Variants in CACNG7 observed in about 807,000 individuals in gnomAD.
The protein encoded by CACNG7 is calcium voltage-gated channel auxiliary subunit gamma 7.
CACNG7 carries 9 observed loss-of-function variants against 26.3 expected under a neutral mutation model. The observed-to-expected ratio is 0.34, with a 90% CI of 0.21 to 0.60. CACNG7 has a LOEUF of 0.60. Among genes scored for constraint, CACNG7 ranks in the 20% least tolerant of loss-of-function variants. CACNG7 has a pLI of 0.81. For synonymous variants in CACNG7, 170 were observed against 157.0 expected (o/e 1.08, Z -0.62); for missense variants, 297 against 380.4 (o/e 0.78, Z 1.82).
At chr19:53,935,524 T>A (rs2069098980) in intron 4 of CACNG7, among the ~76,000 whole-genome samples, 1 of 151,234 alleles carries the variant, frequency 6.6e-6, no homozygotes, top group Non-Finnish European at 1.5e-5. Context: ...GGTTTCACCA[T>A]GTGGGTCAGG....
Position 53,915,492 on chromosome 19 carries a change from C to G in CACNG7, c.411C>G (p.Phe137Leu). 6.2e-7 allele frequency: 1 copy of G among 1,614,148 alleles called. No homozygotes were observed. Among genetic ancestry groups the G allele is most frequent in the Non-Finnish European group, 8.5e-7 (1 of 1,180,020 alleles). ...TTCTGGCTTTTGTCTCTGGCATCTTCTTCATACTATCGGGTGAGCCTAAGG... is the reference window on the plus strand; with the variant it reads ...TTCTGGCTTTTGTCTCTGGCATCTTGTTCATACTATCGGGTGAGCCTAAGG... ...RTILAFVSGI[F>L]FILSGLSLVV... is the part of the protein sequence containing the mutation. The change falls in exon 4 of 6, where the codon TTC (phenylalanine) becomes TTG (leucine). Residue 137 changes from phenylalanine to leucine, a missense_variant. Phe to Leu is a conservative substitution (Grantham distance 22, BLOSUM62 0). Coordinates refer to ENST00000391767, the MANE Select transcript of CACNG7 (RefSeq NM_031896.5).
chr19:53,913,651 G>A (rs2068874594), intron 2 of CACNG7, among the ~76,000 whole-genome samples: 1 of 151,704 alleles, frequency 6.6e-6, no homozygotes, highest in South Asian at 2.1e-4. Flanking sequence ...CTGACTGCTG[G>A]CATGCACCTG....
intron 4 of CACNG7, among the ~76,000 whole-genome samples, chr19:53,927,783 A>T (rs1336506894): frequency 2.0e-5 from 3 of 150,886 alleles, no homozygotes; most frequent in Non-Finnish European, 4.4e-5. Context: ...GGTTGCAGTG[A>T]GCCGAGATCG....
chr19:53,922,696 T>C (rs1198193721), intron 4 of CACNG7, among the ~76,000 whole-genome samples: 9 of 56,568 alleles, frequency 1.6e-4, no homozygotes, highest in African/African-American at 4.0e-4. Flanking sequence ...TTGCCCCAGG[T>C]CTGGTCATTG....
chr19:53,921,430 G>C (rs2068950580), intron 4 of CACNG7, among the ~76,000 whole-genome samples: 1 of 151,224 alleles, frequency 6.6e-6, no homozygotes, highest in Non-Finnish European at 1.5e-5. Flanking sequence ...CCCCAGGCTG[G>C]TCATTGGTGG....
chr19:53,937,722 C>T (rs1182654488), intron 4 of CACNG7, among the ~76,000 whole-genome samples: 1 of 151,954 alleles, frequency 6.6e-6, no homozygotes, highest in East Asian at 1.9e-4. Context: ...TCCCGAGTAG[C>T]TGGGGTTACG....
intron 2 of CACNG7, among the ~76,000 whole-genome samples, chr19:53,914,154 G>A (rs1038787393): frequency 6.6e-6 from 1 of 151,770 alleles, no homozygotes; most frequent in Non-Finnish European, 1.5e-5. Context: ...CATGCCTGTA[G>A]TCCCAGCTAC....
chr19:53,927,455 C>T (rs1012848614), intron 4 of CACNG7, among the ~76,000 whole-genome samples: 4 of 151,864 alleles, frequency 2.6e-5, no homozygotes, highest in African/African-American at 7.3e-5. Context: ...AAGTTGATGC[C>T]GAAAGGGTCA....
At chr19:53,922,964 T>TCTGGTCATTGGTGGAGTTGTCCCAGGA (rs2068976115) in intron 4 of CACNG7, among the ~76,000 whole-genome samples, 3 of 80,864 alleles carry the variant, frequency 3.7e-5, no homozygotes, top group Admixed American at 2.1e-4. Flanking sequence ...TTGCCCCAGG[T>TCTGGTCATTGGTGGAGTTGTCCCAGGA]CTGGTCATTG....
intron 4 of CACNG7, among the ~76,000 whole-genome samples, chr19:53,931,771 T>C (rs1330191247): frequency 2.8e-5 from 4 of 145,088 alleles, no homozygotes; most frequent in African/African-American, 1.0e-4. Context: ...TTTTTTTTTT[T>C]TTTTTTTTGA....
At chr19:53,925,264 C>CCCCAGGTCTGGTCATTGGTGGAGTTGT (rs2069017899) in intron 4 of CACNG7, among the ~76,000 whole-genome samples, 3 of 141,746 alleles carry the variant, frequency 2.1e-5, no homozygotes, top group Non-Finnish European at 4.6e-5. Context: ...GGTGGAGTTG[C>CCCCAGGTCTGGTCATTGGTGGAGTTGT]CCCAGGTCTG....
intron 4 of CACNG7, among the ~76,000 whole-genome samples, chr19:53,921,426 G>T (rs2068950477): frequency 7.2e-6 from 1 of 138,224 alleles, no homozygotes; most frequent in Non-Finnish European, 1.5e-5. Flanking sequence ...GTTGCCCCAG[G>T]CTGGTCATTG....
Position 53,942,457 on chromosome 19 carries a change from C to A in CACNG7, c.*164C>A. Reference sequence around the variant, plus strand: ...TCCTCCCAATGGCTCCGCCCACAGACTCCCTTATTTCAATGGCCGCGCCCT... The same window carrying A: ...TCCTCCCAATGGCTCCGCCCACAGAATCCCTTATTTCAATGGCCGCGCCCT... On this transcript the variant is annotated 3_prime_UTR_variant, in exon 6 of 6. Transcript: ENST00000391767. This position sits in a 1 kb window ranked among gnomAD's most constrained non-coding sequence, Gnocchi z 5.9. 1 of 1,471,906 alleles carries A rather than the reference C, an allele frequency of 6.8e-7. No homozygotes were observed. Among genetic ancestry groups the A allele is most frequent in the Non-Finnish European group, 8.9e-7 (1 of 1,118,258 alleles). The allele number at this position is 1,471,906 out of a possible 1,614,324, so 91.2% of individuals were successfully genotyped here.
rs2068940134 is a variant in CACNG7 at position 53,920,775 on chromosome 19, G to GTTGCCCCAGGCTGGTCATTAGTGGAC, written c.424+5289_424+5290insAGTGGACTTGCCCCAGGCTGGTCATT. Among the ~76,000 whole-genome samples, 12 of 71,440 alleles carry GTTGCCCCAGGCTGGTCATTAGTGGAC rather than the reference G, an allele frequency of 1.7e-4. 1 individual carries two copies. Among genetic ancestry groups the GTTGCCCCAGGCTGGTCATTAGTGGAC allele is most frequent in the African/African-American group, 1.3e-3 (11 of 8,460 alleles). 46.9% of individuals were successfully genotyped at this position (71,440 alleles called of 152,430 possible). On this transcript the variant is annotated intron_variant, in intron 4 of 5. Transcript: ENST00000391767. ...TGCCCCAGGTCTGGTCATTGGTGGA[G>GTTGCCCCAGGCTGGTCATTAGTGGAC]TTGCCCCAGGCTGGTCATTGGTGGA...
intron 2 of CACNG7, among the ~76,000 whole-genome samples, chr19:53,914,110 C>T (rs142965980): frequency 2.0e-5 from 3 of 151,798 alleles, no homozygotes; most frequent in Non-Finnish European, 4.4e-5. Context: ...CCCGTCTCTA[C>T]TAAAAATACA....
intron 4 of CACNG7, among the ~76,000 whole-genome samples, chr19:53,928,501 C>T (rs922497687): frequency 1.3e-5 from 2 of 152,022 alleles, no homozygotes; most frequent in Non-Finnish European, 2.9e-5. Context: ...TCTCGAACTC[C>T]TGACCTCAAG....
At position 53,943,702 on chromosome 19, in the gene CACNG7, C is replaced by CT. The variant is rs2069153848; in HGVS notation, c.*1412dup. 6.6e-6 allele frequency: 1 copy of CT among 152,022 alleles called. No homozygotes were observed. Among genetic ancestry groups the CT allele is most frequent in the South Asian group, 2.1e-4 (1 of 4,824 alleles). The allele number at this position is 152,022 out of a possible 1,614,324, so 9.4% of individuals were successfully genotyped here. ...AAATATCGACAGAAACTTCAATAAA[C>CT]TTTATTTCAAACACGTCTCCGCCTG... On this transcript the variant is annotated 3_prime_UTR_variant, in exon 6 of 6. Transcript: ENST00000391767.
At chr19:53,923,976 G>A (rs1599983090) in intron 4 of CACNG7, among the ~76,000 whole-genome samples, 3 of 138,852 alleles carry the variant, frequency 2.2e-5, no homozygotes, top group East Asian at 4.5e-4. Context: ...TATTGGTGGA[G>A]TTGTCCCCAG....
In CACNG7 at chr19:53,922,575, G is replaced by C. The variant is rs575082453; in HGVS notation, c.424+7070G>C. Among the ~76,000 whole-genome samples, 40 of 85,850 alleles carry C rather than the reference G, an allele frequency of 4.7e-4. 2 individuals are homozygous for C. The South Asian group carries it at 5.4e-3, about 12-fold the overall frequency. The allele number at this position is 85,850 out of a possible 152,430, so 56.3% of individuals were successfully genotyped here. On this transcript the variant is annotated intron_variant, in intron 4 of 5. Transcript: ENST00000391767. Reference sequence around the variant, plus strand: ...GTTGCCCCAGGTCTGGTCATTGGTGGAGTTGTCCCAGGACTGGTCATTGGT... The same window carrying C: ...GTTGCCCCAGGTCTGGTCATTGGTGCAGTTGTCCCAGGACTGGTCATTGGT...
Sources: allele counts gnomAD v4.1 joint callset (sites outside exome capture counted in the v4.1 genomes callset), GRCh38; gene constraint gnomAD v4.1.1; non-coding constraint Gnocchi (gnomAD v3.1); transcripts MANE v1.5; gene names NCBI Gene and HGNC (gene_info 2026-07-23, HGNC 2026-07-21).